The following ENAH variants were observed in gnomAD, a reference collection of about 807,000 sequenced individuals.
ENAH encodes the protein ENAH actin regulator, also known as protein enabled homolog.
ENAH carries 23 observed loss-of-function variants against 78.7 expected under a neutral mutation model. The observed-to-expected ratio is 0.29, with a 90% CI of 0.21 to 0.41. ENAH has a LOEUF of 0.41. ENAH is among the 10% of genes least tolerant of loss of function. The pLI is 1.00. For synonymous variants in ENAH, 226 were observed against 241.0 expected (o/e 0.94, Z 0.58); for missense variants, 544 against 691.0 (o/e 0.79, Z 2.39).
intron 10 of ENAH, among the ~76,000 whole-genome samples, chr1:225,510,347 C>A (rs921901146): frequency 7.2e-5 from 11 of 152,114 alleles, no homozygotes; most frequent in African/African-American, 2.4e-4. Flanking sequence ...AATAAAAATA[C>A]AATTTTCCTC....
intron 3 of ENAH, among the ~76,000 whole-genome samples, chr1:225,537,974 G>T (rs2096570125): frequency 6.6e-6 from 1 of 152,132 alleles, no homozygotes; most frequent in Non-Finnish European, 1.5e-5. Flanking sequence ...ACAACCAGCA[G>T]TTTCTCCTAT....
chr1:225,585,109 A>T (rs1192945190), intron 1 of ENAH, among the ~76,000 whole-genome samples: 1 of 150,470 alleles, frequency 6.6e-6, no homozygotes, highest in African/African-American at 2.4e-5. Context: ...CCAGCTACTC[A>T]GGAGGCTGAA....
chr1:225,611,149 T>C (rs946414849), intron 1 of ENAH, among the ~76,000 whole-genome samples: 2 of 152,100 alleles, frequency 1.3e-5, no homozygotes, highest in Non-Finnish European at 2.9e-5. Context: ...ATGTGCCCTT[T>C]TCTGTACATC....
chr1:225,487,501 T>C lies in ENAH; in HGVS notation c.*10274A>G, dbSNP rs1269838856. The C allele has an allele frequency of 1.3e-5, 2 of 152,252 alleles. No individual in the cohort carries two copies. The highest frequency in any genetic ancestry group is 2.9e-5 in the Non-Finnish European group (2 of 68,042). 9.4% of individuals were successfully genotyped at this position (152,252 alleles called of 1,614,324 possible). ...AAAACAAGTTGTTACCAGTTTCCCT[T>C]ACCCTTGAATTCGGCAAGGCCCATT... On this transcript the variant is annotated 3_prime_UTR_variant, in exon 14 of 14. Transcript: ENST00000366843.
intron 9 of ENAH, among the ~76,000 whole-genome samples, chr1:225,512,379 T>C (rs1000272959): frequency 6.6e-5 from 10 of 152,210 alleles, no homozygotes; most frequent in African/African-American, 2.4e-4. Flanking sequence ...AGTAGTGAAA[T>C]GTCATTCACT....
At position 225,517,675 on chromosome 1, in the gene ENAH, T is replaced by G; in HGVS notation, c.803-369A>C. 3.2e-6 allele frequency: 5 copies of G among 1,550,816 alleles called. No individual in the cohort carries two copies. The South Asian group carries it at 4.8e-5, about 15-fold the overall frequency. The stretch of plus-strand genomic sequence containing the variant: ...GGCACAGGGCTTCGTAGCTGGAGGC[T>G]GAGAAGAGGGTGTGTTCACAGGAGA... On this transcript the variant is annotated intron_variant, in intron 5 of 13. Coordinates refer to ENST00000366843, the MANE Select transcript of ENAH (RefSeq NM_018212.6).
chr1:225,591,234 C>G (rs1264179601), intron 1 of ENAH, among the ~76,000 whole-genome samples: 3 of 152,116 alleles, frequency 2.0e-5, no homozygotes, highest in East Asian at 3.9e-4. Flanking sequence ...TTTGGGAGGC[C>G]AAGGCAGGGG....
At chr1:225,530,459 C>A in intron 4 of ENAH, 95 bp downstream of exon 4, 1 of 988,036 alleles carries the variant, frequency 1.0e-6, no homozygotes. Flanking sequence ...GACTCTTAAA[C>A]AGCTGATAAG....
chr1:225,536,489 TC>T (rs1395370314), intron 3 of ENAH, among the ~76,000 whole-genome samples: 1 of 152,108 alleles, frequency 6.6e-6, no homozygotes, highest in Non-Finnish European at 1.5e-5. Context: ...GGAAAGATTT[TC>T]TTTTTCCGTT....
At chr1:225,519,603 T>C (rs746709905) in intron 4 of ENAH, 38 bp from the exon 5 acceptor site, 24 of 1,570,330 alleles carry the variant, frequency 1.5e-5, no homozygotes, top group Non-Finnish European at 2.1e-5. Context: ...CATGCATCTA[T>C]GGCTACTCAT....
chr1:225,576,257 C>CAGAGTG (rs2096787190), intron 1 of ENAH, among the ~76,000 whole-genome samples: 1 of 130,482 alleles, frequency 7.7e-6, no homozygotes, highest in Admixed American at 8.8e-5. Flanking sequence ...GCCTGCATGA[C>CAGAGTG]AGAGTGAGAC....
intron 1 of ENAH, among the ~76,000 whole-genome samples, chr1:225,611,095 G>A (rs577212102): frequency 1.7e-4 from 26 of 152,274 alleles, no homozygotes; most frequent in Admixed American, 7.2e-4. Flanking sequence ...GTGACTAGAA[G>A]AGGGCATAAA....
intron 4 of ENAH, among the ~76,000 whole-genome samples, chr1:225,520,637 G>A (rs574189269): frequency 1.3e-5 from 2 of 151,994 alleles, no homozygotes; most frequent in East Asian, 3.9e-4. Context: ...TGGGAGGATT[G>A]TCTGAACCCA....
At chr1:225,517,866 A>G (rs919683340) in intron 5 of ENAH, 10 of 1,551,334 alleles carry the variant, frequency 6.4e-6, no homozygotes, top group Non-Finnish European at 8.7e-6. Flanking sequence ...CAGCATAATC[A>G]GGAGTGGCAT....
intron 1 of ENAH, among the ~76,000 whole-genome samples, chr1:225,595,491 C>T (rs1245727999): frequency 6.6e-6 from 1 of 152,184 alleles, no homozygotes; most frequent in Non-Finnish European, 1.5e-5. Context: ...GTCTCCTAAT[C>T]ATGAAATGTG....
intron 1 of ENAH, among the ~76,000 whole-genome samples, chr1:225,638,023 A>C (rs1034953085): frequency 6.6e-6 from 1 of 152,244 alleles, no homozygotes; most frequent in Non-Finnish European, 1.5e-5. Context: ...GAAAACAATA[A>C]ACAGAATATG....
chr1:225,617,033 A>C (rs1655859506), intron 1 of ENAH, among the ~76,000 whole-genome samples: 1 of 151,928 alleles, frequency 6.6e-6, no homozygotes, highest in Non-Finnish European at 1.5e-5. Context: ...TGGGAGGCAG[A>C]GGTTGCAGTG....
intron 10 of ENAH, among the ~76,000 whole-genome samples, chr1:225,510,692 A>G (rs2096369736): frequency 6.9e-6 from 1 of 144,814 alleles, no homozygotes; most frequent in East Asian, 2.0e-4. Context: ...AAAACTTCAG[A>G]GGTACTTAAA....
intron 4 of ENAH, chr1:225,524,540 G>A (rs2151210202): frequency 1.1e-6 from 1 of 893,714 alleles, no homozygotes. Context: ...TGGATAAAAT[G>A]TAATAAGACA....
Sources: allele counts gnomAD v4.1 joint callset (sites outside exome capture counted in the v4.1 genomes callset), GRCh38; gene constraint gnomAD v4.1.1; transcripts MANE v1.5; gene names NCBI Gene and HGNC (gene_info 2026-07-23, HGNC 2026-07-21).